ATXN7L1: variants seen among roughly 807,000 people sequenced by gnomAD.
ATXN7L1 encodes ataxin 7 like 1, also known as ataxin-7-like protein 1.
In ATXN7L1, 15 loss-of-function variants were observed where a neutral mutation model predicts 70.8. The observed-to-expected ratio is 0.21, with a 90% CI of 0.14 to 0.33. The LOEUF is 0.33. Ranked by LOEUF, ATXN7L1 falls within the 10% of genes least tolerant of loss-of-function variation. The pLI is 1.00. For synonymous variants in ATXN7L1, 440 were observed against 445.1 expected (o/e 0.99, Z 0.14); for missense variants, 975 against 1,097.1 (o/e 0.89, Z 1.57).
chr7:105,766,882 C>T (rs1303494900), intron 3 of ATXN7L1, among the ~76,000 whole-genome samples: 1 of 152,244 alleles, frequency 6.6e-6, no homozygotes, highest in African/African-American at 2.4e-5. Context: ...TCTAAGGCCA[C>T]ATTTTGGCAA....
At chr7:105,840,797 C>G (rs1813094503) in intron 2 of ATXN7L1, among the ~76,000 whole-genome samples, 2 of 152,244 alleles carry the variant, frequency 1.3e-5, no homozygotes, top group South Asian at 4.1e-4. Flanking sequence ...GGTGAGCACA[C>G]TCTTCCAGGT....
At chr7:105,803,223 G>A (rs1807077400) in intron 2 of ATXN7L1, among the ~76,000 whole-genome samples, 1 of 152,268 alleles carries the variant, frequency 6.6e-6, no homozygotes, top group African/African-American at 2.4e-5. Context: ...ATTGCCATGG[G>A]AGGCCAGGGA....
At chr7:105,876,229 C>G (rs1770864119) in intron 1 of ATXN7L1, 149 bp downstream of exon 1, 2 of 1,112,008 alleles carry the variant, frequency 1.8e-6, no homozygotes, top group East Asian at 2.6e-5. Flanking sequence ...TGATCTGTCT[C>G]TGTGTGTATT....
chr7:105,714,331 C>T (rs1794273064), intron 3 of ATXN7L1, among the ~76,000 whole-genome samples: 1 of 152,216 alleles, frequency 6.6e-6, no homozygotes, highest in Non-Finnish European at 1.5e-5. Context: ...AGGAAATGCC[C>T]CACCCTCCTG....
chr7:105,831,948 G>A (rs770138475), intron 2 of ATXN7L1, among the ~76,000 whole-genome samples: 22 of 152,108 alleles, frequency 1.4e-4, no homozygotes, highest in Non-Finnish European at 2.4e-4. Flanking sequence ...GTTTAAGAAA[G>A]GACATGTAAT....
At chr7:105,801,466 T>A (rs1806804806) in intron 2 of ATXN7L1, among the ~76,000 whole-genome samples, 2 of 152,356 alleles carry the variant, frequency 1.3e-5, no homozygotes, top group South Asian at 4.1e-4. Context: ...TGATAGCTCC[T>A]AAACTTAGCC....
At chr7:105,804,209 G>A (rs540623760) in intron 2 of ATXN7L1, among the ~76,000 whole-genome samples, 1 of 152,212 alleles carries the variant, frequency 6.6e-6, no homozygotes, top group African/African-American at 2.4e-5. Flanking sequence ...TTCAAGACAG[G>A]TGATAGCCAT....
At chr7:105,771,071 G>A (rs1035469897) in intron 3 of ATXN7L1, among the ~76,000 whole-genome samples, 5 of 151,974 alleles carry the variant, frequency 3.3e-5, no homozygotes, top group African/African-American at 7.2e-5. Context: ...GTGGTGGTGG[G>A]CACCTGTAAT....
chr7:105,794,146 C>T (rs965191582), intron 2 of ATXN7L1, among the ~76,000 whole-genome samples: 7 of 152,126 alleles, frequency 4.6e-5, no homozygotes, highest in African/African-American at 1.7e-4. Context: ...AAGTTCAGGA[C>T]TGTTCAATGG....
In ATXN7L1 at chr7:105,614,707, G is replaced by T; in HGVS notation, c.1627C>A (p.Leu543Ile). ...QPFSNPSAVY[L>I]PSAPISSRLT... Reference sequence around the variant, plus strand: ...CTCGAGCTGATGGGAGCTGAAGGAAGATACACAGCACTGGGGTTGCTGAAA... The same window carrying T: ...CTCGAGCTGATGGGAGCTGAAGGAATATACACAGCACTGGGGTTGCTGAAA... The change falls in exon 10 of 12, where the codon CTT (leucine) becomes ATT (isoleucine). Residue 543 changes from leucine (L) to isoleucine (I), a missense_variant. Leu to Ile is a conservative substitution (Grantham distance 5). Transcript: ENST00000419735. The surrounding 1 kb of genome is among the most constrained non-coding windows in gnomAD (Gnocchi z 4.3). The T allele has an allele frequency of 1.9e-6, 3 of 1,551,762 alleles. No individual in the cohort carries two copies. Among genetic ancestry groups the T allele is most frequent in the Non-Finnish European group, 2.6e-6 (3 of 1,147,018 alleles).
chr7:105,659,763 C>T (rs1205511000), intron 4 of ATXN7L1, among the ~76,000 whole-genome samples: 2 of 152,134 alleles, frequency 1.3e-5, no homozygotes, highest in South Asian at 4.1e-4. Context: ...CTGGCAGGCC[C>T]ATCTGTACCC....
chr7:105,848,791 G>A (rs1005774481), intron 2 of ATXN7L1, among the ~76,000 whole-genome samples: 1 of 152,122 alleles, frequency 6.6e-6, no homozygotes, highest in Non-Finnish European at 1.5e-5. Context: ...CATGATTGCA[G>A]CTCCGTGCAC....
chr7:105,710,130 A>G (rs992608889), intron 3 of ATXN7L1, among the ~76,000 whole-genome samples: 4 of 152,218 alleles, frequency 2.6e-5, no homozygotes, highest in Non-Finnish European at 5.9e-5. Flanking sequence ...GATTACTGGC[A>G]TGAGCCACTG....
intron 3 of ATXN7L1, chr7:105,761,008 A>C (rs148986573): frequency 6.6e-4 from 191 of 289,390 alleles, no homozygotes; most frequent in Non-Finnish European, 9.3e-4. Flanking sequence ...ACAAGTCAAG[A>C]GAATGACATG....
chr7:105,862,711 T>TGA (rs1816820200), intron 2 of ATXN7L1, among the ~76,000 whole-genome samples: 1 of 152,106 alleles, frequency 6.6e-6, no homozygotes, highest in Non-Finnish European at 1.5e-5. Flanking sequence ...GTGAAACCAC[T>TGA]GAGAGAGAGA....
At chr7:105,816,827 C>G (rs1809269589) in intron 2 of ATXN7L1, among the ~76,000 whole-genome samples, 1 of 152,226 alleles carries the variant, frequency 6.6e-6, no homozygotes, top group Admixed American at 6.5e-5. Context: ...TGAGATGCAG[C>G]TGATGACAGC....
intron 7 of ATXN7L1, among the ~76,000 whole-genome samples, chr7:105,634,391 T>A (rs1480233821): frequency 1.3e-5 from 2 of 152,328 alleles, no homozygotes; most frequent in Admixed American, 1.3e-4. Flanking sequence ...CAGAAGGCAA[T>A]TGACCTTGAT....
At chr7:105,643,504 T>G (rs1798550871) in intron 4 of ATXN7L1, among the ~76,000 whole-genome samples, 1 of 152,224 alleles carries the variant, frequency 6.6e-6, no homozygotes, top group African/African-American at 2.4e-5. Context: ...CTGAAGACAA[T>G]GTGCCACTGC....
intron 3 of ATXN7L1, among the ~76,000 whole-genome samples, chr7:105,715,530 A>AT: frequency 6.6e-6 from 1 of 152,390 alleles, no homozygotes; most frequent in East Asian, 1.9e-4. Context: ...AGAAAGAGGC[A>AT]GCTACCCTCC....
Sources: allele counts gnomAD v4.1 joint callset (sites outside exome capture counted in the v4.1 genomes callset), GRCh38; gene constraint gnomAD v4.1.1; non-coding constraint Gnocchi (gnomAD v3.1); transcripts MANE v1.5; gene names NCBI Gene and HGNC (gene_info 2026-07-23, HGNC 2026-07-21).